PRKX: variants seen among roughly 807,000 people sequenced by gnomAD.
The protein encoded by PRKX is cAMP-dependent protein kinase catalytic subunit PRKX.
Under a neutral mutation model 22.0 loss-of-function variants are expected in PRKX, and 12 were observed. The observed-to-expected ratio is 0.54, with a 90% CI of 0.35 to 0.88. The LOEUF (loss-of-function observed/expected upper bound fraction) is 0.88. PRKX is among the 40% of genes least tolerant of loss of function. The pLI, the probability that PRKX is intolerant of heterozygous loss-of-function variation, is 0.01. For synonymous variants in PRKX, 134 were observed against 137.7 expected (o/e 0.97, Z 0.19); for missense variants, 217 against 308.0 (o/e 0.70, Z 2.21).
At chrX:3,651,125 A>G in intron 3 of PRKX, among the ~76,000 whole-genome samples, 1 of 109,838 alleles carries the variant, frequency 9.1e-6, no homozygotes, top group Non-Finnish European at 1.9e-5. Context: ...AGGAGAAAAA[A>G]GCCCCCACAA....
intron 1 of PRKX, among the ~76,000 whole-genome samples, chrX:3,686,644 A>G (rs1804708987): frequency 9.3e-6 from 1 of 107,788 alleles, no homozygotes; most frequent in African/African-American, 3.4e-5. Flanking sequence ...TGCAACCTCC[A>G]CCTCCTGGGT....
At chrX:3,678,885 C>A (rs1928016559) in intron 1 of PRKX, among the ~76,000 whole-genome samples, 1 of 110,954 alleles carries the variant, frequency 9.0e-6, no homozygotes. Flanking sequence ...CCAGCTTTGC[C>A]CAATAAGACA....
chrX:3,648,631 T>TGTGTGTGTGTGCGC (rs1555894772), intron 3 of PRKX, among the ~76,000 whole-genome samples: 84 of 104,840 alleles, frequency 8.0e-4, no homozygotes, highest in African/African-American at 2.6e-3. Context: ...TGTGTGTGTG[T>TGTGTGTGTGTGCGC]GTGTGTGTGT....
intron 3 of PRKX, among the ~76,000 whole-genome samples, chrX:3,651,790 T>C (rs758141943): frequency 4.5e-5 from 5 of 111,822 alleles, no homozygotes; most frequent in Non-Finnish European, 7.5e-5. Context: ...ATGTATTTTC[T>C]AGGCTTGTCT....
At chrX:3,679,443 A>C (rs1928027995) in intron 1 of PRKX, among the ~76,000 whole-genome samples, 2 of 112,663 alleles carry the variant, frequency 1.8e-5, no homozygotes, top group African/African-American at 6.4e-5. Flanking sequence ...CAAAGCTTTA[A>C]GGGGAAAGCT....
At chrX:3,676,430 T>G (rs1211417231) in intron 1 of PRKX, among the ~76,000 whole-genome samples, 1 of 111,690 alleles carries the variant, frequency 9.0e-6, no homozygotes, top group Non-Finnish European at 1.9e-5. Flanking sequence ...TCCAGACACC[T>G]GCACTCCCAT....
chrX:3,617,484 A>G (rs1926453729), intron 6 of PRKX, among the ~76,000 whole-genome samples: 1 of 109,489 alleles, frequency 9.1e-6, no homozygotes, highest in Non-Finnish European at 1.9e-5. Context: ...TCTCTACAAA[A>G]AAACATAAAA....
At chrX:3,632,492 G>A (rs181937254) in intron 4 of PRKX, among the ~76,000 whole-genome samples, 1 of 108,019 alleles carries the variant, frequency 9.3e-6, no homozygotes, top group African/African-American at 3.3e-5. Context: ...CACAAATACA[G>A]GAATGGAGCA....
At chrX:3,709,420 C>T in intron 1 of PRKX, among the ~76,000 whole-genome samples, 1 of 111,265 alleles carries the variant, frequency 9.0e-6, no homozygotes, top group East Asian at 2.8e-4. Flanking sequence ...TCCTCATCGT[C>T]ATCGTGTAGG....
chrX:3,648,037 G>A lies in PRKX; in HGVS notation c.600-6066C>T, dbSNP rs1412227771. Among the ~76,000 whole-genome samples the A allele has an allele frequency of 2.7e-5, 3 of 111,721 alleles. No individual in the cohort carries two copies. The Admixed American group carries it at 2.9e-4, about 11-fold the overall frequency. On this transcript the variant is annotated intron_variant, in intron 3 of 8. Coordinates refer to ENST00000262848, the MANE Select transcript of PRKX (RefSeq NM_005044.5). ...TCATGTTTTCAAGGTTTATCAACGC[G>A]TAGAATGTGTCAGAATTATATTCCT...
chrX:3,673,797 G>A (rs1255693876), intron 2 of PRKX, among the ~76,000 whole-genome samples: 1 of 111,154 alleles, frequency 9.0e-6, no homozygotes, highest in Admixed American at 9.6e-5. Flanking sequence ...CCCCCAAGGT[G>A]ATGGTGTTAG....
At chrX:3,629,126 C>T (rs1401261481) in intron 4 of PRKX, among the ~76,000 whole-genome samples, 2 of 112,409 alleles carry the variant, frequency 1.8e-5, no homozygotes, top group Admixed American at 1.9e-4. Context: ...ACACCTTTCT[C>T]GAGGCTTCCT....
intron 5 of PRKX, among the ~76,000 whole-genome samples, chrX:3,625,387 A>C (rs1926639747): frequency 1.8e-5 from 2 of 111,800 alleles, no homozygotes; most frequent in Non-Finnish European, 3.8e-5. Context: ...GCTCATAAGA[A>C]AATAGACCAT....
chrX:3,674,267 T>A (rs1030017839), intron 2 of PRKX, among the ~76,000 whole-genome samples: 26 of 111,341 alleles, frequency 2.3e-4, no homozygotes, highest in African/African-American at 8.5e-4. Context: ...GAGCTATAGA[T>A]GCAGAACCCA....
At chrX:3,668,851 C>T (rs1179784886) in intron 2 of PRKX, among the ~76,000 whole-genome samples, 3 of 112,626 alleles carry the variant, frequency 2.7e-5, no homozygotes, top group African/African-American at 9.7e-5. Context: ...GGACTCCACA[C>T]GCACAGGTAT....
chrX:3,651,973 G>A (rs1304025438), intron 3 of PRKX, among the ~76,000 whole-genome samples: 1 of 111,464 alleles, frequency 9.0e-6, no homozygotes, highest in African/African-American at 3.3e-5. Context: ...AGCAGCTTGG[G>A]CGTGTGAATT....
At chrX:3,667,632 T>A (rs780231398) in intron 2 of PRKX, 1 of 110,989 alleles carries the variant, frequency 9.0e-6, no homozygotes, top group Admixed American at 9.7e-5. Flanking sequence ...TCCCTGGATC[T>A]CCTCACTGTC....
chrX:3,664,089 G>C (rs1243957451), intron 2 of PRKX, among the ~76,000 whole-genome samples: 1 of 111,754 alleles, frequency 8.9e-6, no homozygotes, highest in Non-Finnish European at 1.9e-5. Flanking sequence ...CCCATCCTCT[G>C]CAACACTGCC....
rs779700916 is a variant in PRKX, at chrX:3,652,366, T to C, written c.599+2783A>G. Among the ~76,000 whole-genome samples the C allele has an allele frequency of 6.0e-4, 63 of 104,205 alleles. No individual in the cohort carries two copies. In the East Asian group the frequency reaches 0.012, roughly 20 times the overall value. The allele number at this position is 104,205 out of a possible 115,157, so 90.5% of individuals were successfully genotyped here. A position where few individuals can be genotyped will look rare whatever the true frequency, so the allele number is the denominator to read the frequency against. ...TCGGGAGGCAGAGCTTGCAGTGAGC[T>C]GAGATCATGCCACTATACTCCAGCC... On this transcript the variant is annotated intron_variant, in intron 3 of 8. Transcript: ENST00000262848.
Sources: gnomAD v4.1 joint callset for allele counts (sites outside exome capture counted in the v4.1 genomes callset) on GRCh38, gnomAD v4.1.1 for gene constraint, MANE v1.5 for transcripts, NCBI Gene and HGNC (gene_info 2026-07-23, HGNC 2026-07-21) for gene names.